The following ADNP variants were observed in gnomAD, a reference collection of about 807,000 sequenced individuals.
ADNP encodes activity-dependent neuroprotector homeobox protein.
A neutral mutation model predicts 84.9 loss-of-function variants in ADNP; 4 were observed. That is an observed-to-expected ratio of 0.05 (90% confidence interval 0.02 to 0.11). ADNP has a LOEUF of 0.11. Ranked by LOEUF, ADNP falls within the 10% of genes least tolerant of loss-of-function variation. The pLI is 1.00. For missense variants in ADNP, 1,132 were observed against 1,326.0 expected (o/e 0.85, Z 2.27); for synonymous variants, 554 against 468.1 (o/e 1.18, Z -2.37).
intron 2 of ADNP, among the ~76,000 whole-genome samples, chr20:50,927,804 CT>C (rs1045158915): frequency 6.6e-6 from 1 of 152,226 alleles, no homozygotes; most frequent in African/African-American, 2.4e-5. Flanking sequence ...GCTGTTACCA[CT>C]TAGGACATCA....
chr20:50,929,752 A>G (rs1984535420), intron 1 of ADNP, among the ~76,000 whole-genome samples: 1 of 152,048 alleles, frequency 6.6e-6, no homozygotes, highest in Non-Finnish European at 1.5e-5. Context: ...TTCAAGATAC[A>G]GGCACAAGAA....
intron 2 of ADNP, among the ~76,000 whole-genome samples, chr20:50,911,996 A>T (rs1364166767): frequency 5.9e-5 from 9 of 152,188 alleles, no homozygotes; most frequent in Non-Finnish European, 1.2e-4. Flanking sequence ...CCTGAACATA[A>T]CCCAAAGTGA....
chr20:50,903,800 AT>A, intron 4 of ADNP, 88 bp downstream of exon 4: 1 of 924,766 alleles, frequency 1.1e-6, no homozygotes, highest in Non-Finnish European at 1.7e-6. Flanking sequence ...TCAGAATCAC[AT>A]CTAAGATTTA....
chr20:50,902,550 C>T (rs761352705), intron 4 of ADNP, among the ~76,000 whole-genome samples: 3 of 151,986 alleles, frequency 2.0e-5, no homozygotes, highest in Non-Finnish European at 4.4e-5. Flanking sequence ...GAGATCAGAT[C>T]AGGAAGAAAA....
At chr20:50,906,698 G>A (rs1242779970) in intron 2 of ADNP, among the ~76,000 whole-genome samples, 1 of 152,212 alleles carries the variant, frequency 6.6e-6, no homozygotes, top group Non-Finnish European at 1.5e-5. Flanking sequence ...TTAAGATGAA[G>A]CATCTCACTG....
Position 50,892,913 on chromosome 20 carries a change from C to T in ADNP, c.1801G>A (p.Ala601Thr). ...GGTGAACTTTTTACAGGGATATCTG[C>T]CTTTTCCTGAACCTTTGGCTGTGGC... ...PKPQPKVQEK[A>T]DIPVKSSPQA... Residue 601 changes from alanine to threonine, a missense_variant, in exon 6 of 6, where the codon GCA becomes ACA. Physicochemically the swap from Ala to Thr is moderately conservative, Grantham distance 58. Around this residue, in one of 10 missense-constraint regions of ADNP, gnomAD observed 53 missense variants for 39.8 expected, o/e 1.33. Transcript: ENST00000621696. 6.2e-7 allele frequency: 1 copy of T among 1,614,190 alleles called. No individual in the cohort carries two copies.
chr20:50,891,536 G>C lies in ADNP; in HGVS notation c.3178C>G (p.Pro1060Ala), dbSNP rs1206108696. ...GTGCTATTCTGCCACTCAATCTGGG[G>C]GTTAGATAAGCGCTCATCATTCTCA... ...ASENDERLSNPQIEWQNSTID... is the reference protein window; with the variant it reads ...ASENDERLSNAQIEWQNSTID... The change falls in exon 6 of 6, where the codon CCC (proline) becomes GCC (alanine). Residue 1060 changes from proline (P) to alanine (A), a missense_variant. Physicochemically the swap from Pro to Ala is conservative, Grantham distance 27. Transcript: ENST00000621696. 7 of 1,611,822 alleles carry C rather than the reference G, an allele frequency of 4.3e-6. No individual in the cohort carries two copies. Among genetic ancestry groups the C allele is most frequent in the African/African-American group, 1.3e-5 (1 of 74,930 alleles).
Position 50,891,163 on chromosome 20 carries a change from CA to C in ADNP, c.*241del, listed in dbSNP as rs1425120083. ...ACCTCTGCTTTTCCTCGTGTGTATT[CA>C]TGAGTCACCAGCTTATTGGTTTTTC... On this transcript the variant is annotated 3_prime_UTR_variant, in exon 6 of 6. Transcript: ENST00000621696. The C allele has an allele frequency of 7.8e-7, 1 of 1,288,144 alleles. No homozygotes were observed. The highest frequency in any genetic ancestry group is 9.8e-7 in the Non-Finnish European group (1 of 1,021,102). 79.8% of individuals were successfully genotyped at this position (1,288,144 alleles called of 1,614,324 possible). A position where few individuals can be genotyped will look rare whatever the true frequency, so the allele number is the denominator to read the frequency against.
At position 50,892,466 on chromosome 20, in the gene ADNP, C is replaced by G; in HGVS notation, c.2248G>C (p.Val750Leu). The G allele has an allele frequency of 1.9e-6, 3 of 1,614,144 alleles. No individual in the cohort carries two copies. The highest frequency in any genetic ancestry group is 1.7e-5 in the Admixed American group (1 of 60,004). ...CCCTTGGGGTCTAAAGCTAAAACAA[C>G]AGGCTCTTCAGGCTTCTCTTCAAAG... Reference protein sequence around the residue: ...SFFEEKPEEPVVLALDPKGHE... With the variant: ...SFFEEKPEEPLVLALDPKGHE... Residue 750 changes from valine (V) to leucine (L), a missense_variant, in exon 6 of 6, where the codon GTT becomes CTT. Physicochemically the swap from Val to Leu is conservative, Grantham distance 32. Transcript: ENST00000621696.
chr20:50,926,109 C>T (rs1484671874), intron 2 of ADNP, among the ~76,000 whole-genome samples: 1 of 152,112 alleles, frequency 6.6e-6, no homozygotes, highest in Non-Finnish European at 1.5e-5. Flanking sequence ...AACAAACAAA[C>T]AAACAACACA....
intron 2 of ADNP, among the ~76,000 whole-genome samples, chr20:50,928,308 C>T (rs370887391): frequency 2.0e-5 from 3 of 152,126 alleles, no homozygotes; most frequent in African/African-American, 7.2e-5. Flanking sequence ...CATGGAAAAC[C>T]ATGTTTTCAT....
Position 50,889,287 on chromosome 20 carries a change from G to C in ADNP, c.*2118C>G, listed in dbSNP as rs1046879. On this transcript the variant is annotated 3_prime_UTR_variant, in exon 6 of 6. Transcript: ENST00000621696. ...TCATTAGTCCTCCACGTACAACTCA[G>C]AAGCCTGTTAATCAGGGAGGGTAAT... The C allele has an allele frequency of 6.6e-6, 1 of 152,194 alleles. No individual in the cohort carries two copies. Among genetic ancestry groups the C allele is most frequent in the South Asian group, 2.1e-4 (1 of 4,824 alleles). The allele number at this position is 152,194 out of a possible 1,614,324, so 9.4% of individuals were successfully genotyped here. A position where few individuals can be genotyped will look rare whatever the true frequency, so the allele number is the denominator to read the frequency against.
Position 50,893,581 on chromosome 20 carries a change from T to G in ADNP, c.1133A>C (p.Tyr378Ser), listed in dbSNP as rs773142534. The G allele has an allele frequency of 2.5e-6, 4 of 1,614,156 alleles. No individual in the cohort carries two copies. In the Admixed American group the frequency reaches 6.7e-5, roughly 27 times the overall value. Residue 378 changes from tyrosine (Y) to serine (S), a missense_variant, in exon 6 of 6, where the codon TAT (tyrosine) becomes TCT (serine). Tyr to Ser is a moderately radical substitution (Grantham distance 144). Transcript: ENST00000621696. This position sits in a 1 kb window ranked among gnomAD's most constrained non-coding sequence, Gnocchi z 4.4. ...GGACCTCTGCTCTGACCCAAGCCCA[T>G]AAGACCTTCCGTTTCCACTTGGAAG... ...QLLPSGNGRS[Y>S]GLGSEQRSQA... is the part of the protein sequence containing the mutation.
chr20:50,926,697 C>T (rs1344923597), intron 2 of ADNP, among the ~76,000 whole-genome samples: 2 of 152,082 alleles, frequency 1.3e-5, no homozygotes, highest in Non-Finnish European at 2.9e-5. Flanking sequence ...TGTATGTGTA[C>T]ATACATACAC....
chr20:50,893,438 A>G lies in ADNP; in HGVS notation c.1276T>C (p.Ser426Pro). The change falls in exon 6 of 6, where the codon TCC becomes CCC. Residue 426 changes from serine (S) to proline (P), a missense_variant. Ser to Pro is a moderately conservative substitution (Grantham distance 74). This residue lies in a region of ADNP where 239 missense variants were observed against 213.2 expected (regional missense o/e 1.12). Transcript: ENST00000621696. This position sits in a 1 kb window ranked among gnomAD's most constrained non-coding sequence, Gnocchi z 4.4. ...QASRVLGQSS[S>P]KPAAAATGPP... is the part of the protein sequence containing the mutation. ...CCTGTGGCAGCTGCAGCAGGTTTGG[A>G]ACTGGACTGACCTAACACTCTGGAT... 2 of 1,614,036 alleles carry G rather than the reference A, an allele frequency of 1.2e-6. No homozygotes were observed. The highest frequency in any genetic ancestry group is 1.7e-6 in the Non-Finnish European group (2 of 1,180,000).
At chr20:50,908,147 GTT>G (rs142605027) in intron 2 of ADNP, among the ~76,000 whole-genome samples, 27,397 of 106,162 alleles carry the variant, frequency 0.26, 1,439 homozygotes, top group Non-Finnish European at 0.27. Context: ...AGATTTTTCT[GTT>G]TTTTTTTTTT....
chr20:50,914,193 T>C, intron 2 of ADNP: 1 of 770,388 alleles, frequency 1.3e-6, no homozygotes, highest in Admixed American at 1.9e-5. Context: ...AGATGATTCA[T>C]ATCCTTCTGT....
chr20:50,900,455 A>G (rs1981858157), intron 5 of ADNP, among the ~76,000 whole-genome samples: 1 of 152,218 alleles, frequency 6.6e-6, no homozygotes. Context: ...CGACGGTATT[A>G]TACGCTGTAA....
chr20:50,928,245 A>G (rs905679717), intron 2 of ADNP, among the ~76,000 whole-genome samples: 1 of 152,208 alleles, frequency 6.6e-6, no homozygotes, highest in Admixed American at 6.5e-5. Flanking sequence ...ACAAAGTCTT[A>G]AAGGTACCCA....
Sources: gnomAD v4.1 joint callset for allele counts (sites outside exome capture counted in the v4.1 genomes callset) on GRCh38, gnomAD v4.1.1 for gene constraint, gnomAD v4.1.1 regional missense constraint, Gnocchi (gnomAD v3.1) non-coding constraint, MANE v1.5 for transcripts, NCBI Gene and HGNC (gene_info 2026-07-23, HGNC 2026-07-21) for gene names.